The following MEI4 variants were observed in gnomAD, a reference collection of about 807,000 sequenced individuals.
MEI4 encodes meiotic double-stranded break formation protein 4.
Under a neutral mutation model 31.4 loss-of-function variants are expected in MEI4, and 27 were observed. That is an observed-to-expected ratio of 0.86 (90% CI 0.63 to 1.19). The LOEUF (loss-of-function observed/expected upper bound fraction) is 1.19, where lower values mean the gene tolerates loss of function less well. Among genes scored for constraint, MEI4 ranks in the 50% most tolerant of loss-of-function variants. The pLI, the probability that MEI4 is intolerant of heterozygous loss-of-function variation, is 0.00. For synonymous variants in MEI4, 122 were observed against 145.4 expected (o/e 0.84, Z 1.16); for missense variants, 329 against 398.9 (o/e 0.82, Z 1.49).
At chr6:77,696,843 C>A (rs1249734554) in intron 2 of MEI4, among the ~76,000 whole-genome samples, 1 of 152,168 alleles carries the variant, frequency 6.6e-6, no homozygotes, top group African/African-American at 2.4e-5. Context: ...AGGAATGGTA[C>A]CAGCTCCTCC....
intron 3 of MEI4, among the ~76,000 whole-genome samples, chr6:77,777,015 A>G (rs761730695): frequency 1.1e-4 from 17 of 152,306 alleles, no homozygotes; most frequent in Non-Finnish European, 1.3e-4. Context: ...AAATGGAGAT[A>G]TGTATGCACC....
intron 4 of MEI4, among the ~76,000 whole-genome samples, chr6:77,891,473 T>C (rs958445859): frequency 2.0e-5 from 3 of 152,188 alleles, no homozygotes; most frequent in Non-Finnish European, 4.4e-5. Flanking sequence ...TTGATTTCTG[T>C]TCTGATGATA....
In MEI4 at chr6:77,714,233, A is replaced by G. The variant is rs534445188; in HGVS notation, c.232+23330A>G. On this transcript the variant is annotated intron_variant, in intron 2 of 4. Transcript: ENST00000684080. The stretch of plus-strand genomic sequence containing the variant: ...CAAGTTTACCTATGTAACACTTAAA[A>G]ATTTAAAAAAAAAACAAAACAGAAA... 9.7e-3 allele frequency among the ~76,000 whole-genome samples: 1,218 copies of G among 126,050 alleles called. 14 individuals are homozygous for G. The highest frequency in any genetic ancestry group is 0.054 in the Middle Eastern group (14 of 260). The allele number at this position is 126,050 out of a possible 152,430, so 82.7% of individuals were successfully genotyped here.
chr6:77,814,964 A>C (rs753566549), intron 3 of MEI4, among the ~76,000 whole-genome samples: 3 of 152,102 alleles, frequency 2.0e-5, no homozygotes, highest in Admixed American at 2.0e-4. Flanking sequence ...TACATATATC[A>C]TATGGATTGT....
At chr6:77,901,918 A>G (rs1393904346) in intron 4 of MEI4, among the ~76,000 whole-genome samples, 3 of 152,084 alleles carry the variant, frequency 2.0e-5, no homozygotes, top group African/African-American at 7.2e-5. Context: ...ATTTCATTCT[A>G]CATATGAATA....
At chr6:77,691,550 G>T (rs1159303069) in intron 2 of MEI4, among the ~76,000 whole-genome samples, 1 of 151,992 alleles carries the variant, frequency 6.6e-6, no homozygotes, top group Admixed American at 6.6e-5. Flanking sequence ...ATTGCATTCA[G>T]AATACTGCCA....
Position 77,730,896 on chromosome 6 carries a change from C to T in MEI4, c.233-30234C>T, listed in dbSNP as rs1013588116. On this transcript the variant is annotated intron_variant, in intron 2 of 4. Coordinates refer to ENST00000684080, the MANE Select transcript of MEI4 (RefSeq NM_001322247.2). The stretch of plus-strand genomic sequence containing the variant: ...TGCAGTGTTTGGTTTTTTGTTCTTA[C>T]GATAGTTTACTGAGAATGCTGATTT... Among the ~76,000 whole-genome samples, 36 of 150,688 alleles carry T rather than the reference C, an allele frequency of 2.4e-4. 1 individual carries two copies. Among genetic ancestry groups the T allele is most frequent in the East Asian group, 4.0e-4 (2 of 5,058 alleles).
intron 2 of MEI4, among the ~76,000 whole-genome samples, chr6:77,736,168 C>T (rs75209311): frequency 2.6e-5 from 4 of 152,076 alleles, no homozygotes; most frequent in Admixed American, 6.6e-5. Flanking sequence ...CCACCGGGTT[C>T]GAGCTTCCAG....
chr6:77,743,096 C>T lies in MEI4; in HGVS notation c.233-18034C>T, dbSNP rs867659611. ...TTCTTTTGGCTTAGGATTGACTTGGCGATGCGGGCTCTTTTTTGGTTCCAT... is the reference window on the plus strand; with the variant it reads ...TTCTTTTGGCTTAGGATTGACTTGGTGATGCGGGCTCTTTTTTGGTTCCAT... On this transcript the variant is annotated intron_variant, in intron 2 of 4. Coordinates refer to ENST00000684080, the MANE Select transcript of MEI4 (RefSeq NM_001322247.2). Among the ~76,000 whole-genome samples the T allele has an allele frequency of 5.2e-3, 795 of 152,158 alleles. 5 individuals are homozygous for T. The highest frequency in any genetic ancestry group is 0.017 in the Middle Eastern group (5 of 294).
intron 4 of MEI4, among the ~76,000 whole-genome samples, chr6:77,887,708 C>G (rs2127730966): frequency 6.6e-6 from 1 of 152,268 alleles, no homozygotes; most frequent in Admixed American, 6.5e-5. Context: ...TATAGTCCAT[C>G]CTAGAGAATG....
intron 3 of MEI4, among the ~76,000 whole-genome samples, chr6:77,790,982 A>T (rs1489724435): frequency 6.6e-6 from 1 of 152,162 alleles, no homozygotes; most frequent in Non-Finnish European, 1.5e-5. Flanking sequence ...CCACAATGAG[A>T]TACCATCTCA....
chr6:77,880,350 C>T lies in MEI4; in HGVS notation c.901-42739C>T, dbSNP rs957399790. ...GGCTCACGCCATTCTCCTGCCTCAG[C>T]CTCCTGCGTAGCTGGGACTACAGGC... On this transcript the variant is annotated intron_variant, in intron 4 of 4. Coordinates refer to ENST00000684080, the MANE Select transcript of MEI4 (RefSeq NM_001322247.2). Among the ~76,000 whole-genome samples the T allele has an allele frequency of 3.3e-5, 5 of 152,104 alleles. No homozygotes were observed. The East Asian group carries it at 9.7e-4, about 30-fold the overall frequency.
At chr6:77,701,897 G>A (rs1766232157) in intron 2 of MEI4, among the ~76,000 whole-genome samples, 1 of 151,912 alleles carries the variant, frequency 6.6e-6, no homozygotes, top group Non-Finnish European at 1.5e-5. Context: ...TTTGGGTCCC[G>A]AGAAACAACC....
At chr6:77,907,646 T>C (rs1328256692) in intron 4 of MEI4, among the ~76,000 whole-genome samples, 1 of 152,168 alleles carries the variant, frequency 6.6e-6, no homozygotes, top group East Asian at 1.9e-4. Flanking sequence ...CCTTTGGGTA[T>C]ATACCCAGTA....
rs1182947828 is a variant in MEI4, at chr6:77,756,288, C to A, written c.233-4842C>A. Among the ~76,000 whole-genome samples, 9 of 152,188 alleles carry A rather than the reference C, an allele frequency of 5.9e-5. No individual in the cohort carries two copies. In the East Asian group the frequency reaches 1.7e-3, roughly 29 times the overall value. On this transcript the variant is annotated intron_variant, in intron 2 of 4. Transcript: ENST00000684080. ...TAATATTGAAAATATTTAATCTTTT[C>A]TAAGAAAACTTTTTTTCCTATTTAT...
intron 3 of MEI4, among the ~76,000 whole-genome samples, chr6:77,770,932 A>G (rs1005344907): frequency 2.0e-5 from 3 of 152,194 alleles, no homozygotes; most frequent in Admixed American, 2.0e-4. Context: ...GAAAAAATTG[A>G]CATATGGGAT....
At chr6:77,658,368 C>T (rs944336681) in intron 1 of MEI4, among the ~76,000 whole-genome samples, 8 of 152,134 alleles carry the variant, frequency 5.3e-5, no homozygotes, top group Non-Finnish European at 2.9e-5. Flanking sequence ...TGTTTTTACT[C>T]CTTTTGTGGA....
chr6:77,868,475 G>GA (rs1249941457), intron 4 of MEI4, among the ~76,000 whole-genome samples: 2 of 71,412 alleles, frequency 2.8e-5, no homozygotes, highest in East Asian at 8.3e-4. Context: ...TTAATGAAAG[G>GA]AAAAAACTTC....
intron 4 of MEI4, among the ~76,000 whole-genome samples, chr6:77,900,501 T>A (rs1032781182): frequency 2.6e-5 from 4 of 151,926 alleles, no homozygotes; most frequent in African/African-American, 7.2e-5. Context: ...CCCCTCAGTA[T>A]GAGTCTAAAC....
Sources: allele counts gnomAD v4.1 joint callset (sites outside exome capture counted in the v4.1 genomes callset), GRCh38; gene constraint gnomAD v4.1.1; transcripts MANE v1.5; gene names NCBI Gene and HGNC (gene_info 2026-07-23, HGNC 2026-07-21).